The following ERAP1 variants were observed in gnomAD, a reference collection of about 807,000 sequenced individuals.
The protein encoded by ERAP1 is adipocyte-derived leucine aminopeptidase.
ERAP1 carries 86 observed loss-of-function variants against 103.7 expected under a neutral mutation model. The ratio of observed to expected loss-of-function variants is 0.83; its 90% CI spans 0.70 to 0.99. The LOEUF (loss-of-function observed/expected upper bound fraction) is 0.99. Ranked by LOEUF, ERAP1 falls within the 50% of genes least tolerant of loss-of-function variation. ERAP1 has a pLI of 0.00. For missense variants in ERAP1, 1,009 were observed against 1,128.4 expected (o/e 0.89, Z 1.52); for synonymous variants, 398 against 402.4 (o/e 0.99, Z 0.13).
the ERAP1 span, chr5:96,896,634 C>G: frequency 7.0e-7 from 1 of 1,425,380 alleles, no homozygotes; most frequent in South Asian, 1.4e-5. Flanking sequence ...ACTTTTCAGA[C>G]ATCACACATG....
At chr5:96,896,495 C>T in the ERAP1 span, 10 of 1,612,960 alleles carry the variant, frequency 6.2e-6, no homozygotes, top group African/African-American at 1.3e-5. Context: ...ATGAAGTTTC[C>T]TATAACAAGG....
At chr5:96,764,318 C>T (rs1769046470) in intron 19 of ERAP1, among the ~76,000 whole-genome samples, 1 of 152,116 alleles carries the variant, frequency 6.6e-6, no homozygotes, top group South Asian at 2.1e-4. Flanking sequence ...TCACATTTCA[C>T]GGCCAAGGAA....
the ERAP1 span, among the ~76,000 whole-genome samples, chr5:96,827,478 A>G: frequency 7.9e-5 from 12 of 152,182 alleles, no homozygotes; most frequent in African/African-American, 2.9e-4. Context: ...CCTGGGCAAC[A>G]AGGTGAAACC....
At chr5:96,770,784 T>A (rs371165127), downstream of ERAP1, among the ~76,000 whole-genome samples, 164 of 152,302 alleles carry the variant, frequency 1.1e-3, 1 homozygote, top group South Asian at 0.033. Flanking sequence ...TATTTTTAAG[T>A]AACTGGTGCT....
At chr5:96,852,604 A>C in the ERAP1 span, among the ~76,000 whole-genome samples, 2 of 152,180 alleles carry the variant, frequency 1.3e-5, no homozygotes, top group Non-Finnish European at 1.5e-5. Context: ...AAATGGTATA[A>C]TTTTCCATAA....
At chr5:96,783,320 G>A in intron 14 of ERAP1, 85 bp from the exon 15 acceptor site, 1 of 1,291,902 alleles carries the variant, frequency 7.7e-7, no homozygotes, top group Non-Finnish European at 1.1e-6. Flanking sequence ...CTCAGATGAT[G>A]GGGGCTAATT....
the ERAP1 span, among the ~76,000 whole-genome samples, chr5:96,814,554 T>C: frequency 2.0e-5 from 3 of 152,164 alleles, no homozygotes; most frequent in South Asian, 6.2e-4. Context: ...ACTAGAAAGA[T>C]TTGGTTCTTC....
At position 96,803,689 on chromosome 5, in the gene ERAP1, T is replaced by TG. The variant is rs747085092; in HGVS notation, c.237dup (p.Thr80HisfsTer18). The TG allele has an allele frequency of 7.4e-6, 12 of 1,614,102 alleles. No individual in the cohort carries two copies. The highest frequency in any genetic ancestry group is 1.0e-5 in the Non-Finnish European group (12 of 1,180,044). On this transcript the variant is annotated frameshift_variant, in exon 2 of 19. Transcript: ENST00000443439. LOFTEE classifies it high-confidence loss of function. The stretch of plus-strand genomic sequence containing the variant: ...TGACTGGCTGTGATTTCTACTTTCG[T>TG]GGTTCCCCAGAAGGTCAGCGTGGTA...
the ERAP1 span, among the ~76,000 whole-genome samples, chr5:96,913,015 G>A: frequency 1.3e-5 from 2 of 152,070 alleles, no homozygotes; most frequent in African/African-American, 4.8e-5. Context: ...CTAGACAAGC[G>A]GTTATGTTTT....
chr5:96,842,224 A>G, the ERAP1 span, among the ~76,000 whole-genome samples: 3 of 151,980 alleles, frequency 2.0e-5, no homozygotes, highest in South Asian at 4.2e-4. Flanking sequence ...TATTTTTTCA[A>G]TTGTGAATTG....
the ERAP1 span, among the ~76,000 whole-genome samples, chr5:96,854,288 G>T: frequency 6.6e-6 from 1 of 152,138 alleles, no homozygotes; most frequent in African/African-American, 2.4e-5. Context: ...TGCAGTCAAT[G>T]TTGCAAATTA....
At chr5:96,873,658 C>A in the ERAP1 span, 3 of 335,378 alleles carry the variant, frequency 8.9e-6, no homozygotes, top group South Asian at 2.3e-5. Flanking sequence ...AAGCATGAAG[C>A]AAGTGTTGGG....
At chr5:96,902,592 T>A in the ERAP1 span, 33 of 388,488 alleles carry the variant, frequency 8.5e-5, no homozygotes, top group Middle Eastern at 2.9e-3. Flanking sequence ...CATCAAGAAA[T>A]AACAGAAATC....
chr5:96,773,355 A>G (rs1480862828), downstream of ERAP1: 1 of 153,378 alleles, frequency 6.5e-6, no homozygotes, highest in African/African-American at 2.4e-5. Context: ...AGGTTAGATA[A>G]GTCCTTGTGT....
chr5:96,821,303 G>T, the ERAP1 span, among the ~76,000 whole-genome samples: 12 of 152,354 alleles, frequency 7.9e-5, no homozygotes, highest in East Asian at 2.3e-3. Context: ...GACCAAACAT[G>T]TGGGTGCCAT....
chr5:96,803,863 C>A lies in ERAP1; in HGVS notation c.64G>T (p.Ala22Ser), dbSNP rs1778270019. ...TMSFLLSSLLALLTVSTPSWC... is the reference protein window; with the variant it reads ...TMSFLLSSLLSLLTVSTPSWC... ...GAAGGAGTGGACACAGTTAAGAGAG[C>A]CAACAGTGAGGAAAGTAGAAATGAC... The change falls in exon 2 of 19, where the codon GCT (alanine) becomes TCT (serine). Residue 22 changes from alanine (A) to serine (S), a missense_variant. Physicochemically the swap from Ala to Ser is moderately conservative, Grantham distance 99 (BLOSUM62 1). Around this residue, in one of 3 missense-constraint regions of ERAP1, gnomAD observed 392 missense variants for 455.2 expected, o/e 0.86. Transcript: ENST00000443439. The A allele has an allele frequency of 1.2e-6, 2 of 1,613,518 alleles. No individual in the cohort carries two copies. Among genetic ancestry groups the A allele is most frequent in the Non-Finnish European group, 1.7e-6 (2 of 1,180,024 alleles).
At chr5:96,818,127 A>G in the ERAP1 span, among the ~76,000 whole-genome samples, 4 of 152,272 alleles carry the variant, frequency 2.6e-5, no homozygotes, top group African/African-American at 9.6e-5. Context: ...GATTTAGATT[A>G]TGAAAGACAC....
intron 11 of ERAP1, 71 bp from the exon 12 acceptor site, chr5:96,786,620 A>G (rs962916796): frequency 4.9e-6 from 5 of 1,011,300 alleles, no homozygotes; most frequent in Non-Finnish European, 6.3e-6. Flanking sequence ...ATCACCTATC[A>G]TGTGCCAGGC....
At chr5:96,789,384 G>A (rs1333221897) in intron 10 of ERAP1, among the ~76,000 whole-genome samples, 3 of 152,076 alleles carry the variant, frequency 2.0e-5, no homozygotes, top group Non-Finnish European at 4.4e-5. Flanking sequence ...CTACCTGGGA[G>A]GCTGAGGCAA....
Sources: allele counts gnomAD v4.1 joint callset (sites outside exome capture counted in the v4.1 genomes callset), GRCh38; gene constraint gnomAD v4.1.1; regional missense constraint gnomAD v4.1.1; transcripts MANE v1.5; gene names NCBI Gene and HGNC (gene_info 2026-07-23, HGNC 2026-07-21).